LHFPL3: variants seen among roughly 807,000 people sequenced by gnomAD.
The protein encoded by LHFPL3 is LHFPL tetraspan subfamily member 3.
LHFPL3 carries 5 observed loss-of-function variants against 19.3 expected under a neutral mutation model. The ratio of observed to expected loss-of-function variants is 0.26; its 90% CI spans 0.14 to 0.54. The LOEUF (loss-of-function observed/expected upper bound fraction) is 0.54, where lower values mean the gene tolerates loss of function less well. LHFPL3 is among the 20% of genes least tolerant of loss of function. LHFPL3 has a pLI of 0.94. For missense variants in LHFPL3, 249 were observed against 307.4 expected (o/e 0.81, Z 1.42); for synonymous variants, 133 against 126.2 (o/e 1.05, Z -0.36).
intron 2 of LHFPL3, among the ~76,000 whole-genome samples, chr7:104,738,363 C>T (rs1177145711): frequency 6.6e-6 from 1 of 152,166 alleles, no homozygotes; most frequent in Non-Finnish European, 1.5e-5. Flanking sequence ...GTCCAGTTAA[C>T]TTTACTTCAA....
At chr7:104,686,816 G>A (rs1351218671) in intron 1 of LHFPL3, among the ~76,000 whole-genome samples, 1 of 152,194 alleles carries the variant, frequency 6.6e-6, no homozygotes. Flanking sequence ...CCGCATGGCT[G>A]GGGAGGCCTC....
intron 2 of LHFPL3, among the ~76,000 whole-genome samples, chr7:104,848,291 T>C (rs1281531739): frequency 2.0e-5 from 3 of 152,192 alleles, no homozygotes; most frequent in Non-Finnish European, 2.9e-5. Context: ...AAGGGGACTA[T>C]AGGCCCTTCT....
At chr7:104,776,356 A>G (rs977716498) in intron 2 of LHFPL3, among the ~76,000 whole-genome samples, 1 of 152,226 alleles carries the variant, frequency 6.6e-6, no homozygotes. Flanking sequence ...ACCTGCATAC[A>G]GCCTTATTCC....
intron 2 of LHFPL3, among the ~76,000 whole-genome samples, chr7:104,771,016 A>G (rs1794541141): frequency 6.6e-6 from 1 of 152,140 alleles, no homozygotes; most frequent in Non-Finnish European, 1.5e-5. Flanking sequence ...GGAGCTCAAC[A>G]TATATTTATG....
intron 1 of LHFPL3, among the ~76,000 whole-genome samples, chr7:104,619,633 A>T (rs897679228): frequency 6.6e-6 from 1 of 152,094 alleles, no homozygotes; most frequent in African/African-American, 2.4e-5. Context: ...TTGCCACTTA[A>T]TGCTTATAGT....
At chr7:104,619,579 A>C (rs889204356) in intron 1 of LHFPL3, among the ~76,000 whole-genome samples, 4 of 152,178 alleles carry the variant, frequency 2.6e-5, no homozygotes, top group Non-Finnish European at 5.9e-5. Flanking sequence ...CTATTTATTA[A>C]ATCAATATAC....
intron 1 of LHFPL3, among the ~76,000 whole-genome samples, chr7:104,611,545 G>C (rs1358485680): frequency 6.6e-6 from 1 of 152,192 alleles, no homozygotes; most frequent in Non-Finnish European, 1.5e-5. Flanking sequence ...ACTAGCCCCT[G>C]ATGTTTAGCT....
At chr7:104,404,461 T>C (rs916749123) in intron 1 of LHFPL3, among the ~76,000 whole-genome samples, 1 of 152,234 alleles carries the variant, frequency 6.6e-6, no homozygotes, top group Non-Finnish European at 1.5e-5. Flanking sequence ...CAATTTTTAC[T>C]GAAGTAAAAT....
intron 1 of LHFPL3, among the ~76,000 whole-genome samples, chr7:104,683,736 C>G (rs1792754477): frequency 6.6e-6 from 1 of 152,166 alleles, no homozygotes; most frequent in South Asian, 2.1e-4. Context: ...TCAATAGTAT[C>G]ACCAATTTAC....
At chr7:104,749,063 C>A (rs925498250) in intron 2 of LHFPL3, among the ~76,000 whole-genome samples, 2 of 152,350 alleles carry the variant, frequency 1.3e-5, no homozygotes, top group African/African-American at 4.8e-5. Flanking sequence ...AGTAGGAATG[C>A]CTAGAGTTGG....
At chr7:104,405,302 A>G (rs1791393072) in intron 1 of LHFPL3, among the ~76,000 whole-genome samples, 1 of 152,182 alleles carries the variant, frequency 6.6e-6, no homozygotes, top group South Asian at 2.1e-4. Flanking sequence ...TATAAAAACT[A>G]TTATTTCTCC....
chr7:104,690,496 A>G (rs1487401440), intron 1 of LHFPL3, among the ~76,000 whole-genome samples: 1 of 152,244 alleles, frequency 6.6e-6, no homozygotes, highest in Non-Finnish European at 1.5e-5. Flanking sequence ...CATTGATGAC[A>G]TTATCCTGAT....
chr7:104,603,582 C>T (rs1304447138), intron 1 of LHFPL3, among the ~76,000 whole-genome samples: 1 of 152,176 alleles, frequency 6.6e-6, no homozygotes, highest in African/African-American at 2.4e-5. Flanking sequence ...GGGTGAAATT[C>T]AAGGCATGAT....
At chr7:104,769,513 G>A (rs543240012) in intron 2 of LHFPL3, among the ~76,000 whole-genome samples, 1 of 152,132 alleles carries the variant, frequency 6.6e-6, no homozygotes, top group South Asian at 2.1e-4. Flanking sequence ...GAACATGCAG[G>A]TTTGTTACAT....
intron 2 of LHFPL3, among the ~76,000 whole-genome samples, chr7:104,847,700 C>T (rs571436782): frequency 3.3e-5 from 5 of 152,292 alleles, no homozygotes; most frequent in African/African-American, 7.2e-5. Context: ...TTAATAGAGA[C>T]GAGATTTCGC....
rs886882598 is a variant in LHFPL3, at chr7:104,358,413, G to A, written c.445+29189G>A. On this transcript the variant is annotated intron_variant, in intron 1 of 2. Coordinates refer to ENST00000424859, the MANE Select transcript of LHFPL3 (RefSeq NM_199000.3). Reference sequence around the variant, plus strand: ...ATACTTCTCTTTGGGGGTCAGTAGGGTGTAATTTAAAAGTGTCAGTTTCAT... The same window carrying A: ...ATACTTCTCTTTGGGGGTCAGTAGGATGTAATTTAAAAGTGTCAGTTTCAT... 3.3e-5 allele frequency among the ~76,000 whole-genome samples: 5 copies of A among 152,316 alleles called. No individual in the cohort carries two copies. The South Asian group carries it at 6.2e-4, about 19-fold the overall frequency.
intron 2 of LHFPL3, among the ~76,000 whole-genome samples, chr7:104,756,864 A>G (rs1794294447): frequency 6.6e-6 from 1 of 152,234 alleles, no homozygotes; most frequent in Non-Finnish European, 1.5e-5. Flanking sequence ...TTGAATATTA[A>G]GCAGAGATTC....
intron 1 of LHFPL3, among the ~76,000 whole-genome samples, chr7:104,447,489 G>C (rs1308559323): frequency 6.6e-6 from 1 of 152,082 alleles, no homozygotes; most frequent in Non-Finnish European, 1.5e-5. Flanking sequence ...CATGTAATTG[G>C]TGATACAAGT....
At chr7:104,799,946 C>A (rs1038599339) in intron 2 of LHFPL3, 1 of 152,796 alleles carries the variant, frequency 6.5e-6, no homozygotes, top group Middle Eastern at 3.1e-3. Flanking sequence ...ATGCCAACAG[C>A]CTTCTTCCTG....
Sources: allele counts gnomAD v4.1 joint callset (sites outside exome capture counted in the v4.1 genomes callset), GRCh38; gene constraint gnomAD v4.1.1; transcripts MANE v1.5; gene names NCBI Gene and HGNC (gene_info 2026-07-23, HGNC 2026-07-21).